R3HDM1: variants seen among roughly 807,000 people sequenced by gnomAD.
The protein encoded by R3HDM1 is R3H domain containing 1, also known as R3H domain-containing protein 1.
In R3HDM1, 46 loss-of-function variants were observed where a neutral mutation model predicts 141.1. The ratio of observed to expected loss-of-function variants is 0.33; its 90% confidence interval spans 0.26 to 0.42. R3HDM1 has a LOEUF of 0.42. R3HDM1 is among the 10% of genes least tolerant of loss of function. The pLI, the probability that R3HDM1 is intolerant of heterozygous loss-of-function variation, is 1.00. For missense variants in R3HDM1, 1,184 were observed against 1,368.3 expected (o/e 0.87, Z 2.12); for synonymous variants, 435 against 472.9 (o/e 0.92, Z 1.04).
intron 19 of R3HDM1, among the ~76,000 whole-genome samples, chr2:135,671,941 A>T (rs988164818): frequency 9.2e-5 from 14 of 151,450 alleles, no homozygotes; most frequent in African/African-American, 3.1e-4. Context: ...GTGCCACTGC[A>T]CTCCAACCTG....
At chr2:135,609,861 C>T (rs545260851) in intron 3 of R3HDM1, among the ~76,000 whole-genome samples, 25 of 151,794 alleles carry the variant, frequency 1.6e-4, no homozygotes, top group Admixed American at 8.5e-4. Flanking sequence ...GGCAACATGG[C>T]GAAACCCTGT....
chr2:135,677,921 C>T (rs537916389), intron 20 of R3HDM1, among the ~76,000 whole-genome samples: 27 of 152,058 alleles, frequency 1.8e-4, no homozygotes, highest in African/African-American at 6.3e-4. Context: ...AGTGGTCGGT[C>T]GCTTGCTCTC....
intron 9 of R3HDM1, among the ~76,000 whole-genome samples, chr2:135,633,360 C>T (rs984225273): frequency 1.3e-5 from 2 of 152,138 alleles, no homozygotes; most frequent in Non-Finnish European, 2.9e-5. Flanking sequence ...AGCACATATA[C>T]ATTAGCAGGC....
chr2:135,567,797 A>G (rs1274985292), intron 1 of R3HDM1, among the ~76,000 whole-genome samples: 1 of 149,322 alleles, frequency 6.7e-6, no homozygotes, highest in Non-Finnish European at 1.5e-5. Context: ...TGGAGTGCAG[A>G]GGCACAGTCA....
intron 5 of R3HDM1, chr2:135,620,219 C>T: frequency 1.2e-6 from 1 of 869,068 alleles, no homozygotes; most frequent in Non-Finnish European, 1.4e-6. Flanking sequence ...GCCTGGATTT[C>T]ACTGGGTTCC....
At chr2:135,652,662 T>C (rs2065269535) in intron 18 of R3HDM1, among the ~76,000 whole-genome samples, 1 of 152,200 alleles carries the variant, frequency 6.6e-6, no homozygotes, top group African/African-American at 2.4e-5. Flanking sequence ...TTAAAATGAG[T>C]TGGGCATTGT....
chr2:135,561,247 T>C, intron 1 of R3HDM1: 2 of 957,082 alleles, frequency 2.1e-6, no homozygotes, highest in Non-Finnish European at 2.5e-6. Context: ...TGTAACAAAT[T>C]TTTCTCTTTT....
intron 9 of R3HDM1, among the ~76,000 whole-genome samples, chr2:135,635,439 T>C (rs1363692916): frequency 6.6e-6 from 1 of 152,208 alleles, no homozygotes; most frequent in Non-Finnish European, 1.5e-5. Context: ...CCTCGGTTTG[T>C]TCAATAATAT....
intron 1 of R3HDM1, among the ~76,000 whole-genome samples, chr2:135,551,682 G>T (rs1699879328): frequency 1.3e-5 from 2 of 152,196 alleles, no homozygotes; most frequent in South Asian, 4.1e-4. Flanking sequence ...TTACATTGTG[G>T]GGTATTAGGA....
intron 11 of R3HDM1, 97 bp downstream of exon 11, chr2:135,636,280 T>A (rs560278048): frequency 1.4e-6 from 2 of 1,471,212 alleles, no homozygotes; most frequent in African/African-American, 2.8e-5. Context: ...CATTTATTTT[T>A]AATCACATTT....
At chr2:135,670,430 A>G (rs2068166835) in intron 19 of R3HDM1, 26 of 959,862 alleles carry the variant, frequency 2.7e-5, no homozygotes, top group Non-Finnish European at 3.2e-5. Flanking sequence ...CTTGAGGTCT[A>G]AATATGTTTT....
At chr2:135,621,704 TA>T in intron 6 of R3HDM1, 96 bp downstream of exon 6, 1 of 1,367,628 alleles carries the variant, frequency 7.3e-7, no homozygotes, top group Non-Finnish European at 9.5e-7. Context: ...TATCTTTATG[TA>T]AAATGACACA....
intron 18 of R3HDM1, among the ~76,000 whole-genome samples, chr2:135,656,893 A>G (rs2065968931): frequency 6.6e-6 from 1 of 151,982 alleles, no homozygotes; most frequent in Non-Finnish European, 1.5e-5. Flanking sequence ...CAGGAGTTCA[A>G]GACCAGCCTG....
At chr2:135,652,748 C>T (rs2065281170) in intron 18 of R3HDM1, among the ~76,000 whole-genome samples, 1 of 152,078 alleles carries the variant, frequency 6.6e-6, no homozygotes, top group Non-Finnish European at 1.5e-5. Flanking sequence ...CCAGAATTCA[C>T]CAATGAATTC....
chr2:135,645,549 T>C, intron 16 of R3HDM1, 22 bp downstream of exon 16: 7 of 1,609,328 alleles, frequency 4.3e-6, no homozygotes, highest in Middle Eastern at 3.3e-4. Flanking sequence ...CATGATTACA[T>C]AATGCTAAGT....
chr2:135,570,103 C>T (rs915145619), intron 1 of R3HDM1, among the ~76,000 whole-genome samples: 1 of 152,156 alleles, frequency 6.6e-6, no homozygotes, highest in Middle Eastern at 3.2e-3. Context: ...ATTTCCTCAG[C>T]TGATGATTTT....
At chr2:135,627,763 A>G (rs1461970452) in intron 7 of R3HDM1, among the ~76,000 whole-genome samples, 1 of 152,136 alleles carries the variant, frequency 6.6e-6, no homozygotes, top group Non-Finnish European at 1.5e-5. Context: ...ATTGGAGGTA[A>G]TATTTAAGTC....
chr2:135,681,477 A>G (rs543828245), intron 21 of R3HDM1, among the ~76,000 whole-genome samples: 1 of 152,324 alleles, frequency 6.6e-6, no homozygotes, highest in Admixed American at 6.5e-5. Flanking sequence ...GCAATCAATA[A>G]TAGTCATCTG....
intron 7 of R3HDM1, among the ~76,000 whole-genome samples, chr2:135,630,319 A>C (rs574408193): frequency 1.3e-3 from 194 of 150,166 alleles, no homozygotes; most frequent in African/African-American, 4.4e-3. Context: ...CAAAAAAAAA[A>C]CGAGATTCTC....
Sources: gnomAD v4.1 joint callset for allele counts (sites outside exome capture counted in the v4.1 genomes callset) on GRCh38, gnomAD v4.1.1 for gene constraint, MANE v1.5 for transcripts, NCBI Gene and HGNC (gene_info 2026-07-23, HGNC 2026-07-21) for gene names.